RYR3: variants seen among roughly 807,000 people sequenced by gnomAD.
RYR3 encodes ryanodine receptor 3, also known as brain ryanodine receptor-calcium release channel.
In RYR3, 207 loss-of-function variants were observed where a neutral mutation model predicts 584.3. The observed-to-expected ratio is 0.35, with a 90% confidence interval of 0.32 to 0.40. RYR3 has a LOEUF of 0.40. Ranked by LOEUF, RYR3 falls within the 10% of genes least tolerant of loss-of-function variation. RYR3 has a pLI of 1.00. For missense variants in RYR3, 5,616 were observed against 6,089.2 expected (o/e 0.92, Z 2.59); for synonymous variants, 2,416 against 2,248.5 (o/e 1.07, Z -2.11).
At chr15:33,677,099 G>A (rs2064233449) in intron 38 of RYR3, among the ~76,000 whole-genome samples, 1 of 152,144 alleles carries the variant, frequency 6.6e-6, no homozygotes, top group Admixed American at 6.5e-5. Context: ...CCTGAGGGTA[G>A]AAAAATAATT....
intron 1 of RYR3, among the ~76,000 whole-genome samples, chr15:33,382,165 G>A (rs969677024): frequency 8.8e-5 from 13 of 148,230 alleles, no homozygotes; most frequent in African/African-American, 3.3e-4. Context: ...AAGGAAAACT[G>A]GATATGGGGA....
At chr15:33,705,401 C>G (rs6495219) in intron 42 of RYR3, among the ~76,000 whole-genome samples, 1 of 151,744 alleles carries the variant, frequency 6.6e-6, no homozygotes, top group Admixed American at 6.6e-5. Context: ...ATTTATTGAA[C>G]AGCTACTATG....
Position 33,613,328 on chromosome 15 carries a change from C to G in RYR3, c.2310C>G (p.Asn770Lys). The G allele has an allele frequency of 1.2e-6, 2 of 1,613,416 alleles. No homozygotes were observed. Among genetic ancestry groups the G allele is most frequent in the Non-Finnish European group, 1.7e-6 (2 of 1,179,500 alleles). Residue 770 changes from asparagine to lysine, a missense_variant, in exon 19 of 104, where the codon AAC (asparagine) becomes AAG (lysine). Asn to Lys is a moderately conservative substitution (Grantham distance 94, BLOSUM62 0). This residue lies in a region of RYR3 where 1,284 missense variants were observed against 1,344.6 expected (regional missense o/e 0.95). Coordinates refer to ENST00000634891, the MANE Select transcript of RYR3 (RefSeq NM_001036.6). Reference sequence around the variant, plus strand: ...TGCAGGGGATGTTTGAGAACTTCAACACAGACGGGCTCTTCTTCCCTGTGA... The same window carrying G: ...TGCAGGGGATGTTTGAGAACTTCAAGACAGACGGGCTCTTCTTCCCTGTGA... ...QPVQGMFENF[N>K]TDGLFFPVMS...
intron 1 of RYR3, among the ~76,000 whole-genome samples, chr15:33,409,449 T>C (rs1421901195): frequency 6.6e-6 from 1 of 151,964 alleles, no homozygotes; most frequent in East Asian, 1.9e-4. Flanking sequence ...TCCCGTGAAC[T>C]CTGGCTGTCT....
intron 79 of RYR3, 50 bp downstream of exon 79, chr15:33,821,419 C>T: frequency 1.3e-6 from 2 of 1,579,616 alleles, no homozygotes; most frequent in Non-Finnish European, 1.7e-6. Flanking sequence ...ACAAAGATAT[C>T]ATGCTGTGAC....
At chr15:33,806,491 G>GA (rs60748861) in intron 69 of RYR3, among the ~76,000 whole-genome samples, 78 of 135,618 alleles carry the variant, frequency 5.8e-4, no homozygotes, top group East Asian at 5.6e-3. Flanking sequence ...TGTCTCTTAA[G>GA]AAAAAAAAAA....
chr15:33,438,693 T>C (rs923595208), intron 1 of RYR3, among the ~76,000 whole-genome samples: 2 of 152,248 alleles, frequency 1.3e-5, no homozygotes, highest in Admixed American at 1.3e-4. Context: ...CACAATATCT[T>C]TTCCACAATA....
At chr15:33,860,522 GCTTCTTC>G in intron 100 of RYR3, 66 bp from the exon 101 acceptor site, 1 of 854,398 alleles carries the variant, frequency 1.2e-6, no homozygotes, top group Non-Finnish European at 1.8e-6. Context: ...GAACAAAGTA[GCTTCTTC>G]CTTTATCATT....
At chr15:33,861,327 G>C (rs114098112) in intron 102 of RYR3, 149 bp downstream of exon 102, 23 of 574,824 alleles carry the variant, frequency 4.0e-5, no homozygotes, top group Middle Eastern at 3.0e-4. Flanking sequence ...CATAGACTCT[G>C]TCTCTCCCAT....
At chr15:33,437,256 G>A (rs779996326) in intron 1 of RYR3, among the ~76,000 whole-genome samples, 1 of 152,098 alleles carries the variant, frequency 6.6e-6, no homozygotes. Context: ...GAGCAAAGTC[G>A]TTGAGGCTGG....
intron 15 of RYR3, among the ~76,000 whole-genome samples, chr15:33,585,140 G>T (rs548270276): frequency 3.3e-5 from 5 of 151,848 alleles, no homozygotes; most frequent in Non-Finnish European, 5.9e-5. Flanking sequence ...TGCTTTTCTC[G>T]CAGTGTAGAA....
intron 57 of RYR3, among the ~76,000 whole-genome samples, chr15:33,754,157 C>A (rs1266920888): frequency 2.0e-5 from 3 of 151,938 alleles, no homozygotes; most frequent in African/African-American, 7.3e-5. Context: ...AATAAAAATA[C>A]CCAGAATTTG....
intron 12 of RYR3, among the ~76,000 whole-genome samples, chr15:33,578,539 T>C (rs1158636069): frequency 6.6e-6 from 1 of 151,838 alleles, no homozygotes; most frequent in African/African-American, 2.4e-5. Flanking sequence ...TTCTCAGTTA[T>C]AAGTGGGACC....
chr15:33,773,545 C>G lies in RYR3; in HGVS notation c.9067C>G (p.Gln3023Glu). The part of the protein sequence containing the change: ...FGMDLLLGDV[Q>E]ISCYHILCSL... ...CTTCTTTGTTTCAGTGGGTGATGTG[C>G]AGATTTCATGCTACCACATACTGTG... Residue 3023 changes from glutamine (Q) to glutamate (E), a missense_variant, in exon 64 of 104, where the codon CAG (glutamine) becomes GAG (glutamate). Gln to Glu is a conservative substitution (Grantham distance 29, BLOSUM62 2). Transcript: ENST00000634891. 1 of 1,605,648 alleles carries G rather than the reference C, an allele frequency of 6.2e-7. No individual in the cohort carries two copies. Among genetic ancestry groups the G allele is most frequent in the Non-Finnish European group, 8.5e-7 (1 of 1,175,110 alleles).
chr15:33,731,483 A>G lies in RYR3; in HGVS notation c.7213A>G (p.Ser2405Gly), dbSNP rs370400226. Residue 2405 changes from serine (S) to glycine (G), a missense_variant, in exon 48 of 104, where the codon AGC becomes GGC. By Grantham distance (56) the Ser-to-Gly change is moderately conservative (BLOSUM62 0). This residue lies in a region of RYR3 where 1,280 missense variants were observed against 1,426.2 expected (regional missense o/e 0.90). Coordinates refer to ENST00000634891, the MANE Select transcript of RYR3 (RefSeq NM_001036.6). ...AATCTTCTTTCTCTAGGTTTCCCTA[A>G]GCACCACAGAGGCTGCGCTTGCACT... Reference protein sequence around the residue: ...ASASLDTVSLSTTEAALALNR... With the variant: ...ASASLDTVSLGTTEAALALNR... 27 of 1,610,914 alleles carry G rather than the reference A, an allele frequency of 1.7e-5. No homozygotes were observed. Among genetic ancestry groups the G allele is most frequent in the Non-Finnish European group, 2.1e-5 (25 of 1,178,466 alleles).
chr15:33,349,605 T>A lies in RYR3; in HGVS notation c.51+38509T>A, dbSNP rs36169134. Among the ~76,000 whole-genome samples the A allele has an allele frequency of 3.9e-3, 592 of 150,318 alleles. 3 individuals carry two copies. The highest frequency in any genetic ancestry group is 6.9e-3 in the Middle Eastern group (2 of 290). On this transcript the variant is annotated intron_variant, in intron 1 of 103. Transcript: ENST00000634891. ...TTTTTTTCTTCAGATTTTTTTTTTT[T>A]AATTATACTTTGAGTTTTAGGGTAC...
At chr15:33,826,412 G>A in intron 83 of RYR3, 143 bp downstream of exon 83, 2 of 877,522 alleles carry the variant, frequency 2.3e-6, no homozygotes, top group South Asian at 2.8e-5. Context: ...TTAAAGAAGT[G>A]TCTTCCATCT....
At chr15:33,680,150 G>T (rs1287012748) in intron 38 of RYR3, among the ~76,000 whole-genome samples, 7 of 152,186 alleles carry the variant, frequency 4.6e-5, no homozygotes, top group Non-Finnish European at 8.8e-5. Context: ...CCTGCTGAGT[G>T]GGGGCTAGGG....
chr15:33,835,976 T>A (rs1172438871), intron 87 of RYR3, among the ~76,000 whole-genome samples: 2 of 152,158 alleles, frequency 1.3e-5, no homozygotes, highest in African/African-American at 4.8e-5. Flanking sequence ...GAATAGGTGA[T>A]CTCTGAGGTC....
Sources: allele counts gnomAD v4.1 joint callset (sites outside exome capture counted in the v4.1 genomes callset), GRCh38; gene constraint gnomAD v4.1.1; regional missense constraint gnomAD v4.1.1; transcripts MANE v1.5; gene names NCBI Gene and HGNC (gene_info 2026-07-23, HGNC 2026-07-21).